THSD7B: variants seen among roughly 807,000 people sequenced by gnomAD.
The protein encoded by THSD7B is thrombospondin type 1 domain containing 7B.
Under a neutral mutation model 213.6 loss-of-function variants are expected in THSD7B, and 138 were observed. The ratio of observed to expected loss-of-function variants is 0.65; its 90% CI spans 0.56 to 0.74. THSD7B has a LOEUF of 0.74. Ranked by LOEUF, THSD7B falls within the 30% of genes least tolerant of loss-of-function variation. The pLI is 0.00. For missense variants in THSD7B, 1,931 were observed against 1,991.5 expected (o/e 0.97, Z 0.58); for synonymous variants, 742 against 687.0 (o/e 1.08, Z -1.25).
At chr2:136,802,489 C>T (rs1302372256) in intron 1 of THSD7B, among the ~76,000 whole-genome samples, 1 of 151,392 alleles carries the variant, frequency 6.6e-6, no homozygotes, top group Admixed American at 6.6e-5. Context: ...GTGTGCTTCT[C>T]CCCAAGTTGG....
At chr2:137,518,303 C>T (rs1404461863) in intron 15 of THSD7B, among the ~76,000 whole-genome samples, 9 of 152,154 alleles carry the variant, frequency 5.9e-5, no homozygotes, top group Non-Finnish European at 1.2e-4. Context: ...AGCACTACAG[C>T]CCCTTTCCAG....
intron 2 of THSD7B, among the ~76,000 whole-genome samples, chr2:137,013,598 C>A (rs571159100): frequency 3.3e-4 from 50 of 152,302 alleles, no homozygotes; most frequent in South Asian, 3.1e-3. Flanking sequence ...ATTTTCTGTA[C>A]TAGCTATTCT....
intron 19 of THSD7B, among the ~76,000 whole-genome samples, chr2:137,619,516 G>A (rs1469949329): frequency 6.6e-6 from 1 of 152,094 alleles, no homozygotes; most frequent in Non-Finnish European, 1.5e-5. Flanking sequence ...GCAGAATGCT[G>A]TATACCATGA....
intron 7 of THSD7B, among the ~76,000 whole-genome samples, chr2:137,189,952 G>A (rs1288027910): frequency 6.6e-6 from 1 of 151,946 alleles, no homozygotes; most frequent in Non-Finnish European, 1.5e-5. Flanking sequence ...AATCAGTCAG[G>A]GATTTTCAAT....
At chr2:136,944,695 T>C (rs755056441) in intron 2 of THSD7B, among the ~76,000 whole-genome samples, 1 of 148,372 alleles carries the variant, frequency 6.7e-6, no homozygotes, top group Non-Finnish European at 1.5e-5. Flanking sequence ...TATCATAAAC[T>C]AGGATTGCAA....
chr2:136,823,623 T>C (rs1000699784), intron 1 of THSD7B, among the ~76,000 whole-genome samples: 3 of 152,236 alleles, frequency 2.0e-5, no homozygotes, highest in Non-Finnish European at 2.9e-5. Flanking sequence ...CCATTTGCTC[T>C]GAATTCTGCA....
chr2:136,823,164 T>G (rs1273900312), intron 1 of THSD7B, among the ~76,000 whole-genome samples: 1 of 140,242 alleles, frequency 7.1e-6, no homozygotes, highest in Non-Finnish European at 1.5e-5. Context: ...AGGATATCCT[T>G]GTGTAAGGTG....
At chr2:137,144,957 T>G (rs1443115073) in intron 5 of THSD7B, among the ~76,000 whole-genome samples, 1 of 152,096 alleles carries the variant, frequency 6.6e-6, no homozygotes, top group Non-Finnish European at 1.5e-5. Context: ...TAGACCTTGA[T>G]TTTCTCATTT....
chr2:137,482,210 A>G (rs1324186277), intron 15 of THSD7B, among the ~76,000 whole-genome samples: 1 of 150,244 alleles, frequency 6.7e-6, no homozygotes, highest in Non-Finnish European at 1.5e-5. Context: ...AAAAGGGTTT[A>G]GCCATAGATT....
intron 12 of THSD7B, among the ~76,000 whole-genome samples, chr2:137,305,082 C>T (rs1409146444): frequency 6.6e-6 from 1 of 152,044 alleles, no homozygotes; most frequent in Non-Finnish European, 1.5e-5. Flanking sequence ...TTTTCAGGAT[C>T]CCTGAGGTGG....
chr2:137,326,697 T>G (rs1684381022), intron 12 of THSD7B, among the ~76,000 whole-genome samples: 1 of 152,196 alleles, frequency 6.6e-6, no homozygotes, highest in South Asian at 2.1e-4. Context: ...GCTGAGCCAT[T>G]TTGGAGATAT....
chr2:136,998,455 C>G (rs1352076151), intron 2 of THSD7B, among the ~76,000 whole-genome samples: 1 of 152,092 alleles, frequency 6.6e-6, no homozygotes, highest in Non-Finnish European at 1.5e-5. Flanking sequence ...TGCTGCTTTG[C>G]TCCTTATCTC....
chr2:136,816,824 A>C (rs1682481799), intron 1 of THSD7B, among the ~76,000 whole-genome samples: 1 of 152,168 alleles, frequency 6.6e-6, no homozygotes, highest in Non-Finnish European at 1.5e-5. Context: ...TTATACACGA[A>C]GATTGAATTA....
chr2:137,317,939 G>T (rs1274042671), intron 12 of THSD7B, among the ~76,000 whole-genome samples: 1 of 151,934 alleles, frequency 6.6e-6, no homozygotes, highest in Admixed American at 6.6e-5. Context: ...TGGGGGAGGG[G>T]GGAAGAAAAA....
At chr2:137,495,082 T>C (rs1374728685) in intron 15 of THSD7B, among the ~76,000 whole-genome samples, 1 of 152,188 alleles carries the variant, frequency 6.6e-6, no homozygotes, top group Non-Finnish European at 1.5e-5. Flanking sequence ...TCTGTTTCTC[T>C]CTATGGTAGG....
intron 2 of THSD7B, among the ~76,000 whole-genome samples, chr2:137,029,981 A>G (rs10164584): frequency 0.072 from 10,920 of 152,220 alleles, 428 homozygotes; most frequent in East Asian, 0.15. Context: ...TGTGATCTGT[A>G]TAAGACTGTG....
chr2:137,175,772 T>G lies in THSD7B; in HGVS notation c.1723+4834T>G, dbSNP rs373946844. Among the ~76,000 whole-genome samples, 28 of 152,298 alleles carry G rather than the reference T, an allele frequency of 1.8e-4. 2 individuals carry two copies. The South Asian group carries it at 5.8e-3, about 32-fold the overall frequency. On this transcript the variant is annotated intron_variant, in intron 7 of 27. Transcript: ENST00000409968. The stretch of plus-strand genomic sequence containing the variant: ...CATTTACCTAAGTTGGATCAAATAT[T>G]CTTTAAATGTTTTTACGTCTGTGAT...
chr2:137,312,416 G>C (rs1310611942), intron 12 of THSD7B, among the ~76,000 whole-genome samples: 6 of 143,630 alleles, frequency 4.2e-5, no homozygotes, highest in Admixed American at 4.1e-4. Flanking sequence ...TATTCGTCTT[G>C]CTAGTGGTCT....
intron 12 of THSD7B, among the ~76,000 whole-genome samples, chr2:137,357,687 T>C (rs544613530): frequency 1.1e-4 from 16 of 152,340 alleles, no homozygotes; most frequent in African/African-American, 3.8e-4. Context: ...TGTCTCTCTC[T>C]TTTGAGGACA....
Sources: gnomAD v4.1 joint callset for allele counts (sites outside exome capture counted in the v4.1 genomes callset) on GRCh38, gnomAD v4.1.1 for gene constraint, MANE v1.5 for transcripts, NCBI Gene and HGNC (gene_info 2026-07-23, HGNC 2026-07-21) for gene names.